PRKDC: variants seen among roughly 807,000 people sequenced by gnomAD.
PRKDC encodes protein kinase, DNA-activated, catalytic subunit, also known as DNA-dependent protein kinase catalytic subunit.
In PRKDC, 82 loss-of-function variants were observed where a neutral mutation model predicts 486.9. That is an observed-to-expected ratio of 0.17 (90% confidence interval 0.14 to 0.20). PRKDC has a LOEUF of 0.20. PRKDC is among the 10% of genes least tolerant of loss of function. The pLI is 1.00. For missense variants in PRKDC, 4,504 were observed against 5,038.2 expected, an observed-to-expected ratio of 0.89 and a Z score of 3.21; for synonymous variants, 1,895 against 1,837.0, an observed-to-expected ratio of 1.03 and a Z score of -0.81.
At chr8:47,914,571 T>C (rs1450116427) in intron 23 of PRKDC, among the ~76,000 whole-genome samples, 1 of 152,056 alleles carries the variant, frequency 6.6e-6, no homozygotes, top group Non-Finnish European at 1.5e-5. Flanking sequence ...AGGCCGAGGC[T>C]GGTGGATCAC....
intron 45 of PRKDC, 138 bp from the exon 46 acceptor site, chr8:47,859,897 T>C (rs1381960150): frequency 2.2e-6 from 2 of 895,184 alleles, no homozygotes; most frequent in African/African-American, 3.4e-5. Context: ...TATTAACCTA[T>C]TATCCAGATT....
In PRKDC at chr8:47,836,325, G is replaced by T. The variant is rs770587307; in HGVS notation, c.7951+13C>A. On this transcript the variant is annotated intron_variant, in intron 58 of 85. Transcript: ENST00000314191. ...GTGCTGTATACATGGCCAGCGGGCA[G>T]GGTCACTGTTACCTGCAGTCTGTGT... is the stretch of plus-strand genomic sequence containing the variant. The T allele has an allele frequency of 4.5e-6, 7 of 1,549,446 alleles. No individual in the cohort carries two copies. Among genetic ancestry groups the T allele is most frequent in the Non-Finnish European group, 6.1e-6 (7 of 1,145,340 alleles).
Position 47,834,243 on chromosome 8 carries a change from T to C in PRKDC, c.8105A>G (p.Lys2702Arg). ...PLKSVGPDFG[K>R]KRLGLPGDEV... is the part of the protein sequence containing the mutation. ...GTCCCCTGGAAGGCCCAGCCTTTTT[T>C]TCCCAAAATCAGGCCCCACTGACTT... Residue 2702 changes from lysine (K) to arginine (R), a missense_variant, in exon 59 of 86, where the codon AAA becomes AGA. Physicochemically the swap from Lys to Arg is conservative, Grantham distance 26. Transcript: ENST00000314191. 6.2e-7 allele frequency: 1 copy of C among 1,614,052 alleles called. No homozygotes were observed. Among genetic ancestry groups the C allele is most frequent in the East Asian group, 2.2e-5 (1 of 44,890 alleles).
chr8:47,897,240 T>C lies in PRKDC; in HGVS notation c.3519A>G (p.Leu1173=). ...CTGTCTGGGGCCTCCCACAATGAGC[T>C]AAAAGCCACTTGACCAGATCCAATA... is the stretch of plus-strand genomic sequence containing the variant. The part of the protein sequence containing the change: ...LCLLDLVKWL[L]AHCGRPQTEC... Residue 1173 remains leucine, a synonymous_variant, in exon 30 of 86, where the codon TTA becomes TTG. Transcript: ENST00000314191. 2 of 1,608,622 alleles carry C rather than the reference T, an allele frequency of 1.2e-6. No homozygotes were observed. The highest frequency in any genetic ancestry group is 1.1e-5 in the South Asian group (1 of 90,732).
chr8:47,947,524 T>C (rs1375598580), intron 7 of PRKDC, among the ~76,000 whole-genome samples: 2 of 152,178 alleles, frequency 1.3e-5, no homozygotes, highest in East Asian at 3.9e-4. Flanking sequence ...CTGAGCACCT[T>C]TGGGAGGGTA....
At chr8:47,893,780 C>T (rs2089515567) in intron 30 of PRKDC, among the ~76,000 whole-genome samples, 1 of 152,194 alleles carries the variant, frequency 6.6e-6, no homozygotes, top group Admixed American at 6.5e-5. Flanking sequence ...ACGTCTACCA[C>T]ACAGTAAGTG....
At chr8:47,909,694 C>T (rs562458652) in intron 25 of PRKDC, among the ~76,000 whole-genome samples, 22 of 152,158 alleles carry the variant, frequency 1.4e-4, no homozygotes, top group South Asian at 4.2e-4. Context: ...AAGGAATGAC[C>T]CTGGGGAAGG....
chr8:47,783,919 C>A (rs2086743798), intron 77 of PRKDC, 110 bp from the exon 78 acceptor site: 2 of 1,107,316 alleles, frequency 1.8e-6, no homozygotes, highest in Admixed American at 2.0e-5. Flanking sequence ...ATGATAAAAC[C>A]TTTTACTGAA....
chr8:47,782,116 G>T lies in PRKDC; in HGVS notation c.11489+46C>A. 6.5e-7 allele frequency: 1 copy of T among 1,544,736 alleles called. No homozygotes were observed. The highest frequency in any genetic ancestry group is 8.9e-7 in the Non-Finnish European group (1 of 1,118,068). ...GGCCCCGACCTGCCACTGGAGAAGTGAGGGGAGGCGACTGCTGGGGGAGCA... is the reference window on the plus strand; with the variant it reads ...GGCCCCGACCTGCCACTGGAGAAGTTAGGGGAGGCGACTGCTGGGGGAGCA... On this transcript the variant is annotated intron_variant, in intron 80 of 85. Transcript: ENST00000314191. The surrounding 1 kb of genome is among the most constrained non-coding windows in gnomAD (Gnocchi z 4.9).
intron 60 of PRKDC, 69 bp downstream of exon 60, chr8:47,831,745 T>C: frequency 1.3e-6 from 2 of 1,520,446 alleles, no homozygotes; most frequent in Non-Finnish European, 1.8e-6. Context: ...GCAGGAAGCC[T>C]GTTCACTTCG....
intron 74 of PRKDC, among the ~76,000 whole-genome samples, chr8:47,792,254 ATTT>A (rs757370500): frequency 2.2e-5 from 3 of 139,464 alleles, no homozygotes; most frequent in Non-Finnish European, 3.1e-5. Context: ...CCACAGTAAA[ATTT>A]TTTTTTTTTT....
chr8:47,887,976 C>T (rs1463137032), intron 34 of PRKDC, among the ~76,000 whole-genome samples: 1 of 152,236 alleles, frequency 6.6e-6, no homozygotes, highest in African/African-American at 2.4e-5. Flanking sequence ...CCACCTCAGC[C>T]TCCTGAGTAG....
intron 83 of PRKDC, 81 bp downstream of exon 83, chr8:47,778,378 A>C (rs1005608706): frequency 1.4e-6 from 2 of 1,431,268 alleles, no homozygotes; most frequent in Non-Finnish European, 1.9e-6. Flanking sequence ...TTTCCTTAAA[A>C]ACTGTCTATT....
chr8:47,855,864 TA>T (rs2088527609), intron 49 of PRKDC, among the ~76,000 whole-genome samples: 1 of 152,206 alleles, frequency 6.6e-6, no homozygotes, highest in Admixed American at 6.5e-5. Flanking sequence ...TGCACCACTC[TA>T]GGGGCAAACA....
chr8:47,836,645 T>TA, intron 57 of PRKDC, 118 bp from the exon 58 acceptor site: 2 of 920,872 alleles, frequency 2.2e-6, no homozygotes, highest in Non-Finnish European at 3.2e-6. Flanking sequence ...ATTTGTACCA[T>TA]AACTTCATAT....
chr8:47,938,069 G>A (rs892888868), intron 11 of PRKDC, among the ~76,000 whole-genome samples: 3 of 152,074 alleles, frequency 2.0e-5, no homozygotes, highest in Non-Finnish European at 2.9e-5. Flanking sequence ...AGTTATGATT[G>A]TACCACTACA....
intron 73 of PRKDC, 62 bp downstream of exon 73, chr8:47,798,175 A>C: frequency 1.3e-6 from 2 of 1,538,900 alleles, no homozygotes; most frequent in Non-Finnish European, 1.8e-6. Context: ...GTTTGAATAT[A>C]AATAAGCGTA....
In PRKDC at chr8:47,893,321, T is replaced by C. The variant is rs2154501976; in HGVS notation, c.3665A>G (p.Asn1222Ser). Residue 1222 changes from asparagine to serine, a missense_variant, in exon 31 of 86, where the codon AAC becomes AGC. By Grantham distance (46) the Asn-to-Ser change is conservative (BLOSUM62 1). Coordinates refer to ENST00000314191, the MANE Select transcript of PRKDC (RefSeq NM_006904.7). ...LKEEGVSFLI[N>S]TFEGGGCGQP... Reference sequence around the variant, plus strand: ...GCCACAGCCACCCCCCTCAAAGGTGTTGATGAGAAAAGAGACACCTTCTTC... The same window carrying C: ...GCCACAGCCACCCCCCTCAAAGGTGCTGATGAGAAAAGAGACACCTTCTTC... The C allele has an allele frequency of 3.1e-6, 5 of 1,593,876 alleles. No individual in the cohort carries two copies. Among genetic ancestry groups the C allele is most frequent in the Admixed American group, 1.7e-5 (1 of 58,718 alleles).
chr8:47,853,985 G>A (rs1316968769), intron 51 of PRKDC, 98 bp downstream of exon 51: 2 of 1,438,676 alleles, frequency 1.4e-6, no homozygotes, highest in Non-Finnish European at 1.9e-6. Flanking sequence ...TTTGTAGCAT[G>A]GGTCTGGTCC....
Sources: gnomAD v4.1 joint callset for allele counts (sites outside exome capture counted in the v4.1 genomes callset) on GRCh38, gnomAD v4.1.1 for gene constraint, Gnocchi (gnomAD v3.1) non-coding constraint, MANE v1.5 for transcripts, NCBI Gene and HGNC (gene_info 2026-07-23, HGNC 2026-07-21) for gene names.